Variants in CLSTN1 observed in about 807,000 individuals in gnomAD.
CLSTN1 encodes the protein calsyntenin-1.
In CLSTN1, 28 loss-of-function variants were observed where a neutral mutation model predicts 108.3. The observed-to-expected ratio is 0.26, with a 90% CI of 0.19 to 0.35. The LOEUF is 0.35. Ranked by LOEUF, CLSTN1 falls within the 10% of genes least tolerant of loss-of-function variation. CLSTN1 has a pLI of 1.00. For synonymous variants in CLSTN1, 524 were observed against 534.9 expected (o/e 0.98, Z 0.28); for missense variants, 1,157 against 1,302.6 (o/e 0.89, Z 1.72).
intron 5 of CLSTN1, 82 bp from the exon 6 acceptor site, chr1:9,749,995 C>A (rs1651477229): frequency 1.7e-5 from 20 of 1,183,054 alleles, no homozygotes; most frequent in Non-Finnish European, 2.0e-5. Context: ...AGACAAAATG[C>A]ATAGGCTTTA....
At chr1:9,800,408 G>A (rs951988032) in intron 1 of CLSTN1, among the ~76,000 whole-genome samples, 1 of 151,516 alleles carries the variant, frequency 6.6e-6, no homozygotes, top group East Asian at 1.9e-4. Flanking sequence ...ACCGCTATAA[G>A]ACCCCATGGA....
intron 1 of CLSTN1, among the ~76,000 whole-genome samples, chr1:9,802,520 T>G (rs1654319481): frequency 6.6e-6 from 1 of 152,180 alleles, no homozygotes; most frequent in South Asian, 2.1e-4. Context: ...TTTTTTAAAC[T>G]CCACTCTAAT....
At chr1:9,814,766 AG>A (rs1308458376) in intron 1 of CLSTN1, among the ~76,000 whole-genome samples, 1 of 152,032 alleles carries the variant, frequency 6.6e-6, no homozygotes, top group Non-Finnish European at 1.5e-5. Context: ...AAAATTAGCC[AG>A]GCATGGCGGT....
chr1:9,806,617 C>T (rs193158455), intron 1 of CLSTN1, among the ~76,000 whole-genome samples: 19 of 152,082 alleles, frequency 1.2e-4, no homozygotes, highest in South Asian at 1.2e-3. Flanking sequence ...CGGTGGCTCA[C>T]GCCTGTAATC....
Position 9,755,215 on chromosome 1 carries a change from T to G in CLSTN1, c.339A>C (p.Lys113Asn), listed in dbSNP as rs765076870. The change falls in exon 4 of 19, where the codon AAA (lysine) becomes AAC (asparagine). Residue 113 changes from lysine to asparagine, a missense_variant. Coordinates refer to ENST00000377298, the MANE Select transcript of CLSTN1 (RefSeq NM_001009566.3). Reference sequence around the variant, plus strand: ...TCTGCAGCTCACAGTCCAGTTTCTCTTTGGAGCGAATGACTCCCTCACCAG... The same window carrying G: ...TCTGCAGCTCACAGTCCAGTTTCTCGTTGGAGCGAATGACTCCCTCACCAG... The part of the protein sequence containing the change: ...KSTGEGVIRS[K>N]EKLDCELQKD... The G allele has an allele frequency of 3.0e-5, 49 of 1,614,002 alleles. No homozygotes were observed. The highest frequency in any genetic ancestry group is 1.9e-5 in the Non-Finnish European group (23 of 1,180,014).
chr1:9,771,343 T>G (rs1652663633), intron 2 of CLSTN1, among the ~76,000 whole-genome samples: 1 of 152,092 alleles, frequency 6.6e-6, no homozygotes, highest in Non-Finnish European at 1.5e-5. Context: ...AGGACGGGCA[T>G]GGTGGCTTAA....
chr1:9,731,907 G>GA lies in CLSTN1; in HGVS notation c.2428-12dup. On this transcript the variant is annotated splice_polypyrimidine_tract_variant and intron_variant, in intron 16 of 18. Coordinates refer to ENST00000377298, the MANE Select transcript of CLSTN1 (RefSeq NM_001009566.3). ...GTGGATTACATTCACCTATAGCAGA[G>GA]AAAGAGAGGATCGCTGGAGACAGGC... The GA allele has an allele frequency of 6.2e-7, 1 of 1,614,134 alleles. No individual in the cohort carries two copies. Among genetic ancestry groups the GA allele is most frequent in the Non-Finnish European group, 8.5e-7 (1 of 1,180,012 alleles).
intron 2 of CLSTN1, among the ~76,000 whole-genome samples, chr1:9,765,387 A>G (rs1288635282): frequency 6.6e-6 from 1 of 151,912 alleles, no homozygotes. Context: ...TCCATCTCAG[A>G]AAAAAGAAAA....
intron 1 of CLSTN1, among the ~76,000 whole-genome samples, chr1:9,790,968 C>T (rs1433369427): frequency 2.6e-5 from 4 of 150,978 alleles, no homozygotes; most frequent in Non-Finnish European, 5.9e-5. Flanking sequence ...CCCGTCTCTA[C>T]TAAAAATACA....
At chr1:9,731,460 C>A in intron 17 of CLSTN1, 70 bp from the exon 18 acceptor site, 1 of 1,505,174 alleles carries the variant, frequency 6.6e-7, no homozygotes, top group South Asian at 1.2e-5. Context: ...TTGACCTCCT[C>A]GGCTGTGCCT....
rs575997382 is a variant in CLSTN1 at position 9,785,576 on chromosome 1, C to T, written c.92-12182G>A. Among the ~76,000 whole-genome samples the T allele has an allele frequency of 2.0e-5, 3 of 152,238 alleles. No individual in the cohort carries two copies. The South Asian group carries it at 6.2e-4, about 32-fold the overall frequency. On this transcript the variant is annotated intron_variant, in intron 1 of 18. Coordinates refer to ENST00000377298, the MANE Select transcript of CLSTN1 (RefSeq NM_001009566.3). The stretch of plus-strand genomic sequence containing the variant: ...GTTCAGCAGCATCCCGGCCTCAAAA[C>T]CACTGGATGTCCGCGGCCTCCCCAC...
intron 8 of CLSTN1, 137 bp from the exon 9 acceptor site, chr1:9,744,142 G>A (rs1651129555): frequency 3.1e-6 from 4 of 1,284,658 alleles, no homozygotes; most frequent in Non-Finnish European, 4.3e-6. Flanking sequence ...GCAGGGCTTA[G>A]AAACAAATAC....
At chr1:9,810,321 C>T (rs573860236) in intron 1 of CLSTN1, among the ~76,000 whole-genome samples, 1 of 149,504 alleles carries the variant, frequency 6.7e-6, no homozygotes, top group East Asian at 2.0e-4. Context: ...ACTAAAAATA[C>T]AAAAATTAGT....
chr1:9,738,380 T>C (rs1171242659), intron 10 of CLSTN1, among the ~76,000 whole-genome samples: 1 of 152,110 alleles, frequency 6.6e-6, no homozygotes, highest in Non-Finnish European at 1.5e-5. Context: ...CCCTCTATGG[T>C]GTGCTAGGGC....
In CLSTN1 at chr1:9,764,849, C is replaced by CT. The variant is rs1022626017; in HGVS notation, c.215-8340dup. ...TTGAAAACAGGAACCAACTTTTACA[C>CT]TTTTTTTTATCATCTCTGGAAAACC... On this transcript the variant is annotated intron_variant, in intron 2 of 18. Transcript: ENST00000377298. 2.2e-4 allele frequency among the ~76,000 whole-genome samples: 34 copies of CT among 151,668 alleles called. 1 individual carries two copies. Among genetic ancestry groups the CT allele is most frequent in the Admixed American group, 1.9e-3 (29 of 15,164 alleles).
At chr1:9,737,290 A>AG (rs1650745143) in intron 11 of CLSTN1, among the ~76,000 whole-genome samples, 1 of 152,172 alleles carries the variant, frequency 6.6e-6, no homozygotes, top group African/African-American at 2.4e-5. Flanking sequence ...GCACTGCCTG[A>AG]GATGTCATTT....
chr1:9,758,152 C>A (rs951833396), intron 2 of CLSTN1, among the ~76,000 whole-genome samples: 21 of 152,006 alleles, frequency 1.4e-4, no homozygotes, highest in African/African-American at 5.1e-4. Context: ...CACCACCATG[C>A]CTGGCTAATT....
chr1:9,785,226 T>A (rs894012532), intron 1 of CLSTN1, among the ~76,000 whole-genome samples: 1 of 152,172 alleles, frequency 6.6e-6, no homozygotes, highest in Non-Finnish European at 1.5e-5. Context: ...CAGTCTGGTC[T>A]CAAACTCCTG....
At chr1:9,731,650 G>T in intron 17 of CLSTN1, 111 bp downstream of exon 17, 1 of 1,133,156 alleles carries the variant, frequency 8.8e-7, no homozygotes, top group South Asian at 1.3e-5. Context: ...GAATAATTGG[G>T]ACAGGGAAAG....
Sources: gnomAD v4.1 joint callset for allele counts (sites outside exome capture counted in the v4.1 genomes callset) on GRCh38, gnomAD v4.1.1 for gene constraint, MANE v1.5 for transcripts, NCBI Gene and HGNC (gene_info 2026-07-23, HGNC 2026-07-21) for gene names.